AFG3L2: variants seen among roughly 807,000 people sequenced by gnomAD.
AFG3L2 encodes the protein AFG3 like matrix AAA peptidase subunit 2.
In AFG3L2, 54 loss-of-function variants were observed where a neutral mutation model predicts 94.5. The observed-to-expected ratio is 0.57, with a 90% CI of 0.46 to 0.72. The LOEUF is 0.72. AFG3L2 is among the 30% of genes least tolerant of loss of function. The pLI, the probability that AFG3L2 is intolerant of heterozygous loss-of-function variation, is 0.00. For missense variants in AFG3L2, 754 were observed against 994.9 expected, an observed-to-expected ratio of 0.76 and a Z score of 3.26; for synonymous variants, 377 against 365.5, an observed-to-expected ratio of 1.03 and a Z score of -0.36.
rs771031355 is a variant in AFG3L2, at chr18:12,348,390, A to G, written c.1553-7T>C. On this transcript the variant is annotated splice_polypyrimidine_tract_variant and splice_region_variant and intron_variant, in intron 12 of 16. Transcript: ENST00000269143. ...ACATTAGCAACATCAGCACCTAAAA[A>G]ATGAACACAGAACAGCTTACCCACC... 4 of 1,612,676 alleles carry G rather than the reference A, an allele frequency of 2.5e-6. No individual in the cohort carries two copies. The highest frequency in any genetic ancestry group is 3.4e-6 in the Non-Finnish European group (4 of 1,178,654).
intron 1 of AFG3L2, 21 bp downstream of exon 1, chr18:12,376,948 G>T: frequency 7.1e-7 from 1 of 1,412,920 alleles, no homozygotes; most frequent in Non-Finnish European, 9.2e-7. Flanking sequence ...GGAGGGCGCC[G>T]GGCGCCCAGG....
At chr18:12,366,284 T>G (rs1348489716) in intron 5 of AFG3L2, among the ~76,000 whole-genome samples, 1 of 152,248 alleles carries the variant, frequency 6.6e-6, no homozygotes, top group Non-Finnish European at 1.5e-5. Flanking sequence ...ATTAGATTTG[T>G]CTTAGCAACT....
intron 16 of AFG3L2, 139 bp downstream of exon 16, chr18:12,337,202 A>C (rs1425732632): frequency 2.6e-6 from 2 of 784,104 alleles, no homozygotes; most frequent in African/African-American, 3.4e-5. Context: ...CAGACAACGA[A>C]ACATCAGAAC....
intron 14 of AFG3L2, chr18:12,343,671 T>C (rs1598824907): frequency 4.9e-6 from 1 of 203,000 alleles, no homozygotes; most frequent in East Asian, 1.2e-4. Context: ...GGGCAGTTCC[T>C]GCTCAGATTC....
intron 1 of AFG3L2, among the ~76,000 whole-genome samples, chr18:12,373,227 T>C (rs1290824751): frequency 2.6e-5 from 4 of 152,202 alleles, no homozygotes; most frequent in Non-Finnish European, 4.4e-5. Flanking sequence ...ACTTGGCCTA[T>C]GAAATAACCA....
intron 2 of AFG3L2, 60 bp from the exon 3 acceptor site, chr18:12,370,986 A>C (rs1908970946): frequency 8.7e-7 from 1 of 1,143,802 alleles, no homozygotes; most frequent in Non-Finnish European, 1.3e-6. Flanking sequence ...GTTTGTGTTC[A>C]TTTTGTTTTC....
At chr18:12,352,812 G>C (rs1216073382) in intron 10 of AFG3L2, among the ~76,000 whole-genome samples, 193 bp downstream of exon 10, 1 of 151,830 alleles carries the variant, frequency 6.6e-6, no homozygotes, top group Non-Finnish European at 1.5e-5. Context: ...TCTCATTTTG[G>C]GGACATGAAA....
At chr18:12,329,923 T>C (rs747604838) in intron 16 of AFG3L2, 140 bp from the exon 17 acceptor site, 29 of 760,570 alleles carry the variant, frequency 3.8e-5, no homozygotes, top group Non-Finnish European at 5.9e-5. Flanking sequence ...TAAGGTTGCA[T>C]AGTTTTAGAG....
chr18:12,352,183 C>T (rs944651904), intron 10 of AFG3L2, among the ~76,000 whole-genome samples: 1 of 152,144 alleles, frequency 6.6e-6, no homozygotes, highest in Non-Finnish European at 1.5e-5. Flanking sequence ...GCCATGGTCC[C>T]AGGCCCTTCA....
chr18:12,372,512 G>A (rs999932632), intron 1 of AFG3L2, among the ~76,000 whole-genome samples: 1 of 152,034 alleles, frequency 6.6e-6, no homozygotes, highest in African/African-American at 2.4e-5. Context: ...TGACTCTATG[G>A]GTCACCATAT....
At chr18:12,372,753 A>T (rs1909030746) in intron 1 of AFG3L2, among the ~76,000 whole-genome samples, 1 of 152,262 alleles carries the variant, frequency 6.6e-6, no homozygotes, top group Non-Finnish European at 1.5e-5. Flanking sequence ...CTCTGAAAAC[A>T]TCATATTAAG....
At chr18:12,344,349 T>C in intron 13 of AFG3L2, 102 bp from the exon 14 acceptor site, 1 of 964,670 alleles carries the variant, frequency 1.0e-6, no homozygotes, top group Non-Finnish European at 1.6e-6. Flanking sequence ...AAAATGGGGT[T>C]TGGAGACTGA....
intron 16 of AFG3L2, among the ~76,000 whole-genome samples, chr18:12,334,309 T>A (rs1275092632): frequency 6.6e-6 from 1 of 152,198 alleles, no homozygotes; most frequent in East Asian, 1.9e-4. Flanking sequence ...CAGACCTTAG[T>A]TGTGCAGCGT....
chr18:12,340,418 A>G lies in AFG3L2; in HGVS notation c.1780-17T>C, dbSNP rs1907911566. ...GATGGATACCTGGTAAGTAGAAAAC[A>G]GTGTTGAAGATCCTACTACAGATGA... On this transcript the variant is annotated splice_polypyrimidine_tract_variant and intron_variant, in intron 14 of 16. Coordinates refer to ENST00000269143, the MANE Select transcript of AFG3L2 (RefSeq NM_006796.3). 1 of 1,581,160 alleles carries G rather than the reference A, an allele frequency of 6.3e-7. No individual in the cohort carries two copies. The highest frequency in any genetic ancestry group is 8.7e-7 in the Non-Finnish European group (1 of 1,149,982).
Position 12,376,971 on chromosome 18 carries a change from T to G in AFG3L2, c.112A>C (p.Thr38Pro). ...VGPGEQPCLR[T>P]LYRFVTTQAR... The stretch of plus-strand genomic sequence containing the variant: ...CCGGGCGCCCAGGTAGGACTCACCG[T>G]CCGGAGGCAGGGCTGCTCGCCCGGG... The change falls in exon 1 of 17, where the codon ACG becomes CCG. Residue 38 changes from threonine (T) to proline (P), a missense_variant and splice_region_variant. This residue lies in a region of AFG3L2 where 236 missense variants were observed against 214.0 expected (regional missense o/e 1.10). Transcript: ENST00000269143. 1 of 1,457,200 alleles carries G rather than the reference T, an allele frequency of 6.9e-7. No homozygotes were observed. Among genetic ancestry groups the G allele is most frequent in the Non-Finnish European group, 9.0e-7 (1 of 1,108,614 alleles). The allele number at this position is 1,457,200 out of a possible 1,614,324, so 90.3% of individuals were successfully genotyped here. A position where few individuals can be genotyped will look rare whatever the true frequency, so the allele number is the denominator to read the frequency against.
At chr18:12,335,205 G>A (rs755788585) in intron 16 of AFG3L2, among the ~76,000 whole-genome samples, 1 of 152,094 alleles carries the variant, frequency 6.6e-6, no homozygotes, top group Non-Finnish European at 1.5e-5. Flanking sequence ...TTATCTCACA[G>A]GAATGGACAA....
At chr18:12,337,040 G>A in intron 16 of AFG3L2, 1 of 586,166 alleles carries the variant, frequency 1.7e-6, no homozygotes, top group East Asian at 2.8e-5. Flanking sequence ...TAGGAGTACT[G>A]TGAACTATCT....
In AFG3L2 at chr18:12,340,397, G is replaced by A; in HGVS notation, c.1784C>T (p.Ser595Phe). The A allele has an allele frequency of 6.2e-7, 1 of 1,612,760 alleles. No homozygotes were observed. The highest frequency in any genetic ancestry group is 8.5e-7 in the Non-Finnish European group (1 of 1,178,772). ...LEHADPLLKVSIIPRGKGLGY... is the reference protein window; with the variant it reads ...LEHADPLLKVFIIPRGKGLGY... Reference sequence around the variant, plus strand: ...TAGTCCTTTGCCACGTGGGATGATGGATACCTGGTAAGTAGAAAACAGTGT... The same window carrying A: ...TAGTCCTTTGCCACGTGGGATGATGAATACCTGGTAAGTAGAAAACAGTGT... The change falls in exon 15 of 17, where the codon TCC becomes TTC. Residue 595 changes from serine to phenylalanine, a missense_variant. Coordinates refer to ENST00000269143, the MANE Select transcript of AFG3L2 (RefSeq NM_006796.3).
At chr18:12,356,599 C>T (rs1488848868) in intron 9 of AFG3L2, 95 bp downstream of exon 9, 4 of 1,571,794 alleles carry the variant, frequency 2.5e-6, no homozygotes, top group East Asian at 4.5e-5. Flanking sequence ...CACTCTAGCA[C>T]TCTAGGGGGA....
Sources: gnomAD v4.1 joint callset for allele counts (sites outside exome capture counted in the v4.1 genomes callset) on GRCh38, gnomAD v4.1.1 for gene constraint, gnomAD v4.1.1 regional missense constraint, MANE v1.5 for transcripts, NCBI Gene and HGNC (gene_info 2026-07-23, HGNC 2026-07-21) for gene names.